Variants in OCA2 observed in about 807,000 individuals in gnomAD.
OCA2 encodes P protein.
OCA2 carries 77 observed loss-of-function variants against 100.2 expected under a neutral mutation model. That is an observed-to-expected ratio of 0.77 (90% CI 0.64 to 0.93). The LOEUF (loss-of-function observed/expected upper bound fraction) is 0.93. Ranked by LOEUF, OCA2 falls within the 40% of genes least tolerant of loss-of-function variation. The pLI is 0.00. For missense variants in OCA2, 1,062 were observed against 1,089.1 expected, an observed-to-expected ratio of 0.98 and a Z score of 0.35; for synonymous variants, 432 against 439.2, an observed-to-expected ratio of 0.98 and a Z score of 0.21.
chr15:27,752,915 C>T (rs910510867), downstream of OCA2, among the ~76,000 whole-genome samples: 1 of 151,322 alleles, frequency 6.6e-6, no homozygotes, highest in Admixed American at 6.6e-5. Flanking sequence ...CACCTATTTC[C>T]AGCCAGTTCT....
intron 19 of OCA2, among the ~76,000 whole-genome samples, chr15:27,908,483 C>T (rs1246901664): frequency 1.3e-5 from 2 of 152,196 alleles, no homozygotes; most frequent in Non-Finnish European, 2.9e-5. Flanking sequence ...GTCAGTGTGT[C>T]AGAATCTCCA....
At chr15:27,755,591 C>T (rs1035869944) in intron 23 of OCA2, 119 bp from the exon 24 acceptor site, 1 of 742,740 alleles carries the variant, frequency 1.3e-6, no homozygotes, top group Non-Finnish European at 2.4e-6. Context: ...ATGGCCACTA[C>T]CTTTTATTTC....
intron 23 of OCA2, among the ~76,000 whole-genome samples, chr15:27,779,499 C>A (rs1208482482): frequency 2.0e-5 from 3 of 152,278 alleles, no homozygotes; most frequent in Non-Finnish European, 4.4e-5. Flanking sequence ...TTGACCCTTT[C>A]ATCATTATAT....
intron 21 of OCA2, among the ~76,000 whole-genome samples, chr15:27,852,675 T>C (rs1049178196): frequency 6.6e-6 from 1 of 151,518 alleles, no homozygotes; most frequent in African/African-American, 2.4e-5. Flanking sequence ...CCTACTCATC[T>C]GACAAAGGGC....
chr15:27,987,520 C>G (rs887263429), intron 11 of OCA2, among the ~76,000 whole-genome samples: 3 of 151,180 alleles, frequency 2.0e-5, no homozygotes, highest in Admixed American at 2.0e-4. Flanking sequence ...GAGATCGAGA[C>G]CCTCCTGGCT....
intron 1 of OCA2, among the ~76,000 whole-genome samples, chr15:28,096,522 G>T (rs1188581689): frequency 3.3e-5 from 5 of 152,202 alleles, no homozygotes; most frequent in Non-Finnish European, 7.3e-5. Flanking sequence ...CCCGTCCAGG[G>T]GTCAGCCTCC....
chr15:27,948,220 T>C (rs879887764), intron 18 of OCA2, among the ~76,000 whole-genome samples: 1 of 152,168 alleles, frequency 6.6e-6, no homozygotes, highest in Admixed American at 6.5e-5. Flanking sequence ...ATTCTCATTG[T>C]GCCACGTGCC....
At chr15:28,088,962 C>T (rs1400290870) in intron 1 of OCA2, among the ~76,000 whole-genome samples, 1 of 152,172 alleles carries the variant, frequency 6.6e-6, no homozygotes, top group Non-Finnish European at 1.5e-5. Context: ...CTACGGGAGA[C>T]CAGGGCTTAT....
chr15:28,006,557 C>A (rs1362000135), intron 9 of OCA2, among the ~76,000 whole-genome samples: 1 of 152,222 alleles, frequency 6.6e-6, no homozygotes, highest in African/African-American at 2.4e-5. Flanking sequence ...GCAAAAGTGT[C>A]TCTGCAATTC....
intron 21 of OCA2, among the ~76,000 whole-genome samples, chr15:27,864,194 T>C (rs1315196139): frequency 6.6e-6 from 1 of 152,142 alleles, no homozygotes; most frequent in African/African-American, 2.4e-5. Context: ...GAAAATGGCA[T>C]TTCTGTGCTC....
At chr15:27,928,123 C>T (rs58378477) in intron 18 of OCA2, among the ~76,000 whole-genome samples, 7,648 of 152,064 alleles carry the variant, frequency 0.05, 365 homozygotes, top group South Asian at 0.21. Flanking sequence ...ACTTGACATC[C>T]ATATATCTTC....
intron 20 of OCA2, 130 bp downstream of exon 20, chr15:27,871,733 A>G: frequency 2.7e-6 from 2 of 730,586 alleles, no homozygotes; most frequent in Admixed American, 2.2e-5. Flanking sequence ...AGGATAGAAC[A>G]GGTTCCCTGC....
At chr15:28,067,801 T>A (rs1040417045) in intron 2 of OCA2, among the ~76,000 whole-genome samples, 1 of 152,188 alleles carries the variant, frequency 6.6e-6, no homozygotes, top group Non-Finnish European at 1.5e-5. Context: ...ATGGGAAGAA[T>A]GTATGTTCTG....
chr15:28,052,941 G>A (rs541153922), intron 2 of OCA2, among the ~76,000 whole-genome samples: 11 of 152,202 alleles, frequency 7.2e-5, no homozygotes, highest in East Asian at 1.9e-4. Context: ...GGTGAAGACC[G>A]TAGAAGCAGA....
At chr15:27,835,897 A>G (rs1436523384) in intron 23 of OCA2, among the ~76,000 whole-genome samples, 1 of 152,180 alleles carries the variant, frequency 6.6e-6, no homozygotes, top group African/African-American at 2.4e-5. Context: ...AAAAGTATAC[A>G]GTGGAGGGGG....
At chr15:28,036,736 C>A (rs1011407646) in intron 2 of OCA2, among the ~76,000 whole-genome samples, 7 of 152,012 alleles carry the variant, frequency 4.6e-5, no homozygotes, top group African/African-American at 1.7e-4. Flanking sequence ...TATTGAGTAC[C>A]TAATATATGA....
At chr15:27,817,674 GCTC>G (rs1566988574) in intron 23 of OCA2, among the ~76,000 whole-genome samples, 1 of 152,090 alleles carries the variant, frequency 6.6e-6, no homozygotes, top group Non-Finnish European at 1.5e-5. Flanking sequence ...TCTCCTCCCA[GCTC>G]CTCATTTGGC....
intron 23 of OCA2, among the ~76,000 whole-genome samples, chr15:27,798,280 C>T (rs117466796): frequency 7.8e-4 from 119 of 152,122 alleles, no homozygotes; most frequent in Non-Finnish European, 1.2e-3. Flanking sequence ...CTTGTGAGCT[C>T]GGTTCTGCCT....
chr15:27,767,365 G>C (rs1465438988), intron 23 of OCA2, among the ~76,000 whole-genome samples: 2 of 152,222 alleles, frequency 1.3e-5, no homozygotes, highest in African/African-American at 4.8e-5. Flanking sequence ...GTCCTGTTTA[G>C]AGGGGTGATT....
Sources: allele counts gnomAD v4.1 joint callset (sites outside exome capture counted in the v4.1 genomes callset), GRCh38; gene constraint gnomAD v4.1.1; transcripts MANE v1.5; gene names NCBI Gene and HGNC (gene_info 2026-07-23, HGNC 2026-07-21).